The following TMEM39A variants were observed in gnomAD, a reference collection of about 807,000 sequenced individuals.
TMEM39A encodes the protein suppressor of SQST-1 aggregates in rpl-43 mutants.
Under a neutral mutation model 51.9 loss-of-function variants are expected in TMEM39A, and 19 were observed. The ratio of observed to expected loss-of-function variants is 0.37; its 90% CI spans 0.26 to 0.54. The LOEUF is 0.54. Ranked by LOEUF, TMEM39A falls within the 20% of genes least tolerant of loss-of-function variation. The pLI, the probability that TMEM39A is intolerant of heterozygous loss-of-function variation, is 0.88. For missense variants in TMEM39A, 433 were observed against 590.5 expected (o/e 0.73, Z 2.76); for synonymous variants, 197 against 220.2 (o/e 0.89, Z 0.93).
Position 119,434,856 on chromosome 3 carries a change from T to C in TMEM39A, c.1139A>G (p.Gln380Arg). The change falls in exon 8 of 9, where the codon CAA becomes CGA. Residue 380 changes from glutamine (Q) to arginine (R), a missense_variant. Transcript: ENST00000319172. ...TCTGCTGTGCCGCACCAGCACCCCT[T>C]GAGGCCATATTGTATTTTCTGACCA... ...HIWSENTIWP[Q>R]GVLVRHSRCL... is the part of the protein sequence containing the mutation. 6.2e-7 allele frequency: 1 copy of C among 1,613,664 alleles called. No individual in the cohort carries two copies. The highest frequency in any genetic ancestry group is 8.5e-7 in the Non-Finnish European group (1 of 1,179,652).
At position 119,449,380 on chromosome 3, in the gene TMEM39A, C is replaced by T. The variant is rs142580530; in HGVS notation, c.421-2208G>A. ...CCTGAGGTCTGGAGTTTGAGACCAA[C>T]CTGGCCAACATGGTGAAACCCTGTC... On this transcript the variant is annotated intron_variant, in intron 4 of 8. Coordinates refer to ENST00000319172, the MANE Select transcript of TMEM39A (RefSeq NM_018266.3). Among the ~76,000 whole-genome samples the T allele has an allele frequency of 1.4e-3, 212 of 152,152 alleles. 2 individuals carry two copies. Among genetic ancestry groups the T allele is most frequent in the Admixed American group, 0.013 (193 of 15,280 alleles).
chr3:119,445,516 C>A (rs979247780), intron 5 of TMEM39A, among the ~76,000 whole-genome samples: 1 of 152,204 alleles, frequency 6.6e-6, no homozygotes, highest in Non-Finnish European at 1.5e-5. Context: ...CTGCCCACCT[C>A]GGCCTCCCAA....
chr3:119,460,965 ATACT>A (rs577498016), intron 2 of TMEM39A, among the ~76,000 whole-genome samples: 20 of 152,342 alleles, frequency 1.3e-4, no homozygotes, highest in African/African-American at 4.8e-4. Flanking sequence ...ATATAAAATA[ATACT>A]TATTTGTAGA....
At chr3:119,451,016 G>C (rs751264097) in intron 4 of TMEM39A, among the ~76,000 whole-genome samples, 19 of 151,992 alleles carry the variant, frequency 1.3e-4, no homozygotes, top group Non-Finnish European at 1.9e-4. Context: ...CCAAGTAACT[G>C]AAGGAATGAA....
rs1462028488 is a variant in TMEM39A at position 119,437,032 on chromosome 3, G to A, written c.925-54C>T. The A allele has an allele frequency of 2.0e-6, 3 of 1,536,826 alleles. No individual in the cohort carries two copies. In the African/African-American group the frequency reaches 4.1e-5, roughly 21 times the overall value. ...ATCCATGCACTGGTAAAAAGAGGCA[G>A]GGATGGGTTGGTGTACATATGCCCT... On this transcript the variant is annotated intron_variant, in intron 6 of 8. Transcript: ENST00000319172.
intron 2 of TMEM39A, among the ~76,000 whole-genome samples, chr3:119,458,877 A>G (rs1218033431): frequency 1.3e-5 from 2 of 152,176 alleles, no homozygotes; most frequent in African/African-American, 4.8e-5. Context: ...CCTGGGCAAC[A>G]AGAGTGAAAC....
rs1004893648 is a variant in TMEM39A at position 119,432,049 on chromosome 3, G to A, written c.1399C>T (p.Arg467Trp). ...GCCCTGCCTAATACTATTCTGTCCCGGAGAAGTTTAAATAAAACATAGTAG... is the reference window on the plus strand; with the variant it reads ...GCCCTGCCTAATACTATTCTGTCCCAGAGAAGTTTAAATAAAACATAGTAG... ...CNYYVLFKLL[R>W]DRIVLGRAYS... Residue 467 changes from arginine to tryptophan, a missense_variant, in exon 9 of 9, where the codon CGG becomes TGG. Coordinates refer to ENST00000319172, the MANE Select transcript of TMEM39A (RefSeq NM_018266.3). 4.3e-6 allele frequency: 7 copies of A among 1,613,088 alleles called. No individual in the cohort carries two copies. Among genetic ancestry groups the A allele is most frequent in the South Asian group, 1.1e-5 (1 of 91,042 alleles).
At chr3:119,458,269 A>T in intron 2 of TMEM39A, 29 bp from the exon 3 acceptor site, 1 of 1,587,994 alleles carries the variant, frequency 6.3e-7, no homozygotes, top group Non-Finnish European at 8.6e-7. Context: ...GTTAACTCAA[A>T]TGGTGATAAC....
intron 5 of TMEM39A, among the ~76,000 whole-genome samples, chr3:119,443,063 CAAAAAA>C (rs56263355): frequency 2.1e-4 from 11 of 53,084 alleles, no homozygotes; most frequent in African/African-American, 6.9e-4. Flanking sequence ...GACCCTGTCT[CAAAAAA>C]AAAAAAAAAA....
At chr3:119,452,613 C>G in intron 3 of TMEM39A, 83 bp from the exon 4 acceptor site, 1 of 1,064,284 alleles carries the variant, frequency 9.4e-7, no homozygotes, top group South Asian at 1.4e-5. Flanking sequence ...AGGTTTATCC[C>G]TCAAAAGATC....
At position 119,454,272 on chromosome 3, in the gene TMEM39A, G is replaced by T. The variant is rs114744490; in HGVS notation, c.337-1742C>A. ...GTGGCCAAATTTAGTATACATTTTA[G>T]AGATAGTACAGCCAGAATGTCAAGA... On this transcript the variant is annotated intron_variant, in intron 3 of 8. Transcript: ENST00000319172. Among the ~76,000 whole-genome samples the T allele has an allele frequency of 7.8e-3, 1,185 of 152,274 alleles. 19 individuals are homozygous for T. The highest frequency in any genetic ancestry group is 0.071 in the South Asian group (342 of 4,820).
rs2107689729 is a variant in TMEM39A at position 119,458,002 on chromosome 3, T to C, written c.336+16A>G. The C allele has an allele frequency of 1.3e-6, 2 of 1,585,416 alleles. No individual in the cohort carries two copies. The highest frequency in any genetic ancestry group is 1.1e-5 in the South Asian group (1 of 88,350). The stretch of plus-strand genomic sequence containing the variant: ...GGTAAGTAACATGAAGAACTTAAAG[T>C]CTGAGTAAGACTTACCAGTGATGTA... On this transcript the variant is annotated intron_variant, in intron 3 of 8. Transcript: ENST00000319172.
At chr3:119,457,961 T>G (rs965731615) in intron 3 of TMEM39A, 57 bp downstream of exon 3, 1 of 1,326,084 alleles carries the variant, frequency 7.5e-7, no homozygotes, top group Non-Finnish European at 1.1e-6. Flanking sequence ...AGAAAGGCTT[T>G]CCAGGTAGTT....
chr3:119,462,646 G>GGGGGGGGGGGGGGGGGGT, intron 1 of TMEM39A, among the ~76,000 whole-genome samples: 1 of 70,280 alleles, frequency 1.4e-5, no homozygotes, highest in Non-Finnish European at 3.1e-5. Flanking sequence ...GGGGGGGGCG[G>GGGGGGGGGGGGGGGGGGT]GGGGGGGGAG....
intron 5 of TMEM39A, among the ~76,000 whole-genome samples, chr3:119,442,127 G>T (rs1030229678): frequency 2.0e-5 from 3 of 152,072 alleles, no homozygotes; most frequent in Non-Finnish European, 4.4e-5. Flanking sequence ...GAGCACCTGA[G>T]GTCAGGAGTT....
intron 2 of TMEM39A, among the ~76,000 whole-genome samples, chr3:119,460,861 C>A (rs1408318009): frequency 1.3e-5 from 2 of 152,114 alleles, no homozygotes; most frequent in Admixed American, 6.5e-5. Flanking sequence ...AAGGCATGTA[C>A]CTCAAAGAGC....
At chr3:119,455,119 A>G (rs1273719761) in intron 3 of TMEM39A, among the ~76,000 whole-genome samples, 1 of 152,228 alleles carries the variant, frequency 6.6e-6, no homozygotes, top group Non-Finnish European at 1.5e-5. Context: ...TATTATGAGT[A>G]TCTGACCCAG....
At position 119,435,436 on chromosome 3, in the gene TMEM39A, C is replaced by T. The variant is rs541625565; in HGVS notation, c.1113-554G>A. 5.0e-5 allele frequency: 49 copies of T among 984,326 alleles called. No homozygotes were observed. The South Asian group carries it at 1.2e-3, about 24-fold the overall frequency. 61.0% of individuals were successfully genotyped at this position (984,326 alleles called of 1,614,324 possible). ...AGAACACAGCGATACATCTCACACACACACACAGACTTTTCACTGCTTTCA... is the reference window on the plus strand; with the variant it reads ...AGAACACAGCGATACATCTCACACATACACACAGACTTTTCACTGCTTTCA... On this transcript the variant is annotated intron_variant, in intron 7 of 8. Transcript: ENST00000319172.
rs75189304 is a variant in TMEM39A, at chr3:119,432,338, T to C, written c.1234-124A>G. The C allele has an allele frequency of 6.9e-3, 4,308 of 620,996 alleles. 153 individuals carry two copies. In the South Asian group the frequency reaches 0.073, roughly 10 times the overall value. The allele number at this position is 620,996 out of a possible 1,614,324, so 38.5% of individuals were successfully genotyped here. ...GTTCCCATATATAATAATAAATAGATCTGTTTATTTAATATCAATCAGGCT... is the reference window on the plus strand; with the variant it reads ...GTTCCCATATATAATAATAAATAGACCTGTTTATTTAATATCAATCAGGCT... On this transcript the variant is annotated intron_variant, in intron 8 of 8. Coordinates refer to ENST00000319172, the MANE Select transcript of TMEM39A (RefSeq NM_018266.3).
Sources: allele counts gnomAD v4.1 joint callset (sites outside exome capture counted in the v4.1 genomes callset), GRCh38; gene constraint gnomAD v4.1.1; transcripts MANE v1.5; gene names NCBI Gene and HGNC (gene_info 2026-07-23, HGNC 2026-07-21).